Variants in SKI observed in about 807,000 individuals in gnomAD.
The protein encoded by SKI is ski oncogene.
SKI carries 23 observed loss-of-function variants against 59.3 expected under a neutral mutation model. That is an observed-to-expected ratio of 0.39 (90% CI 0.28 to 0.55). The LOEUF is 0.55. Ranked by LOEUF, SKI falls within the 20% of genes least tolerant of loss-of-function variation. SKI has a pLI of 0.67. For synonymous variants in SKI, 673 were observed against 488.6 expected (o/e 1.38, Z -4.98); for missense variants, 1,017 against 1,038.9 (o/e 0.98, Z 0.29).
intron 1 of SKI, among the ~76,000 whole-genome samples, chr1:2,289,723 C>T (rs1239372812): frequency 6.6e-6 from 1 of 152,122 alleles, no homozygotes; most frequent in Non-Finnish European, 1.5e-5. Context: ...TTTGAGATGA[C>T]CACAGCTCTC....
Position 2,302,998 on chromosome 1 carries a change from C to T in SKI, c.990C>T (p.Ala330=), listed in dbSNP as rs745629316. 2.5e-6 allele frequency: 4 copies of T among 1,613,544 alleles called. No individual in the cohort carries two copies. In the African/African-American group the frequency reaches 4.0e-5, roughly 16 times the overall value. The change falls in exon 2 of 7, where the codon GCC becomes GCT. Residue 330 remains alanine, a synonymous_variant. Coordinates refer to ENST00000378536, the MANE Select transcript of SKI (RefSeq NM_003036.4). The stretch of plus-strand genomic sequence containing the variant: ...CGCAGGTCTCCTCTGAGCCTCCGGC[C>T]TCCATAAGACCCAAAACAGATGACA... ...RVPRVSSEPP[A]SIRPKTDDTS...
chr1:2,296,078 C>T (rs1057406929), intron 1 of SKI, among the ~76,000 whole-genome samples: 3 of 152,130 alleles, frequency 2.0e-5, no homozygotes, highest in African/African-American at 7.2e-5. Context: ...TCATCACCAA[C>T]ACTTGTCCAA....
intron 1 of SKI, among the ~76,000 whole-genome samples, chr1:2,235,045 ATTTTTTT>A (rs34974355): frequency 2.2e-5 from 3 of 135,398 alleles, no homozygotes; most frequent in Non-Finnish European, 3.2e-5. Context: ...TTTTGTTGTT[ATTTTTTT>A]TTTTTTTTGA....
At chr1:2,284,940 CTGA>C (rs1640004784) in intron 1 of SKI, among the ~76,000 whole-genome samples, 1 of 152,338 alleles carries the variant, frequency 6.6e-6, no homozygotes, top group South Asian at 2.1e-4. Context: ...GCGGGCCTTT[CTGA>C]TGATCAGAAT....
At chr1:2,284,592 A>G (rs1250783426) in intron 1 of SKI, among the ~76,000 whole-genome samples, 2 of 152,138 alleles carry the variant, frequency 1.3e-5, no homozygotes, top group East Asian at 3.9e-4. Context: ...GGGGTGGTAG[A>G]ATTCAAGCTC....
chr1:2,288,202 G>A (rs1421904707), intron 1 of SKI, among the ~76,000 whole-genome samples: 6 of 152,074 alleles, frequency 3.9e-5, no homozygotes, highest in African/African-American at 1.4e-4. Flanking sequence ...GGCCAGGCTG[G>A]TCTCGAACTT....
intron 1 of SKI, among the ~76,000 whole-genome samples, chr1:2,274,134 C>T (rs1018304211): frequency 2.0e-5 from 3 of 151,870 alleles, no homozygotes; most frequent in African/African-American, 4.8e-5. Context: ...AGGAAGGTAG[C>T]GCTTTGTCAA....
chr1:2,261,898 G>A (rs928299326), intron 1 of SKI, among the ~76,000 whole-genome samples: 3 of 143,700 alleles, frequency 2.1e-5, no homozygotes, highest in African/African-American at 5.3e-5. Flanking sequence ...GGTCTGGAAG[G>A]CGTGGAATCA....
Position 2,304,302 on chromosome 1 carries a change from C to G in SKI, c.1484C>G (p.Ser495Cys), listed in dbSNP as rs1640509873. 6.4e-7 allele frequency: 1 copy of G among 1,551,602 alleles called. No homozygotes were observed. Among genetic ancestry groups the G allele is most frequent in the South Asian group, 1.2e-5 (1 of 84,076 alleles). Residue 495 changes from serine to cysteine, a missense_variant, in exon 5 of 7, where the codon TCC (serine) becomes TGC (cysteine). By Grantham distance (112) the Ser-to-Cys change is moderately radical (BLOSUM62 -1). Coordinates refer to ENST00000378536, the MANE Select transcript of SKI (RefSeq NM_003036.4). The part of the protein sequence containing the change: ...EVESREEFTS[S>C]LSSLSSPSFT... The stretch of plus-strand genomic sequence containing the variant: ...TCTGCTTCCTCCTCAGTCACCTCCT[C>G]CTTGTCCTCGCTCTCTTCCCCGTCC...
At chr1:2,271,942 T>C (rs2100855575) in intron 1 of SKI, among the ~76,000 whole-genome samples, 1 of 152,292 alleles carries the variant, frequency 6.6e-6, no homozygotes, top group East Asian at 1.9e-4. Flanking sequence ...CTGGCGGGAC[T>C]GGGAGAGACA....
chr1:2,290,936 C>T (rs980783579), intron 1 of SKI, among the ~76,000 whole-genome samples: 2 of 152,252 alleles, frequency 1.3e-5, no homozygotes, highest in African/African-American at 4.8e-5. Context: ...AGCGTTTCCT[C>T]TCATTCTGGA....
At chr1:2,265,331 T>C (rs547289389) in intron 1 of SKI, among the ~76,000 whole-genome samples, 11 of 152,352 alleles carry the variant, frequency 7.2e-5, no homozygotes, top group South Asian at 2.1e-4. Context: ...TTCTTTTTTT[T>C]CCTCTATTTC....
intron 1 of SKI, among the ~76,000 whole-genome samples, chr1:2,248,681 A>G (rs1639050984): frequency 6.6e-6 from 1 of 152,206 alleles, no homozygotes; most frequent in Non-Finnish European, 1.5e-5. Context: ...GCCCACAGTG[A>G]AGTGAAAGTC....
In SKI at chr1:2,303,140, G is replaced by T; in HGVS notation, c.1095+37G>T. ...CCTGTCGGGGTCCTTGGGGTGGTGG[G>T]TACTGGGCCCTTCTCCTTGGGCAGA... On this transcript the variant is annotated intron_variant, in intron 2 of 6. Coordinates refer to ENST00000378536, the MANE Select transcript of SKI (RefSeq NM_003036.4). The surrounding 1 kb of genome is among the most constrained non-coding windows in gnomAD (Gnocchi z 5.6). The T allele has an allele frequency of 1.2e-6, 2 of 1,612,276 alleles. No individual in the cohort carries two copies. The highest frequency in any genetic ancestry group is 1.7e-6 in the Non-Finnish European group (2 of 1,179,664).
intron 1 of SKI, among the ~76,000 whole-genome samples, chr1:2,262,860 T>A (rs1639417828): frequency 6.6e-6 from 1 of 152,174 alleles, no homozygotes; most frequent in South Asian, 2.1e-4. Flanking sequence ...CCCCCTTCAG[T>A]CGTGATGTAT....
chr1:2,276,331 C>T (rs895246304), intron 1 of SKI, among the ~76,000 whole-genome samples: 2 of 152,122 alleles, frequency 1.3e-5, no homozygotes, highest in Non-Finnish European at 2.9e-5. Flanking sequence ...CACTCAGAGG[C>T]CGTTTACTTG....
At chr1:2,292,267 TGGGCTTTTGGGGTTC>T (rs1640178070) in intron 1 of SKI, among the ~76,000 whole-genome samples, 3 of 152,304 alleles carry the variant, frequency 2.0e-5, no homozygotes, top group African/African-American at 7.2e-5. Context: ...CAGCCCACCT[TGGGCTTTTGGGGTTC>T]GGGCTTTTGG....
chr1:2,297,276 G>T (rs1640307857), intron 1 of SKI, among the ~76,000 whole-genome samples: 1 of 152,172 alleles, frequency 6.6e-6, no homozygotes, highest in East Asian at 1.9e-4. Context: ...CGGGCCCACG[G>T]CTGAAGTTTG....
At chr1:2,304,952 C>T (rs942709759) in intron 5 of SKI, among the ~76,000 whole-genome samples, 22 of 152,224 alleles carry the variant, frequency 1.4e-4, no homozygotes, top group African/African-American at 5.1e-4. Context: ...GAGTTGGGAG[C>T]AGCTGCATGG....
Sources: allele counts gnomAD v4.1 joint callset (sites outside exome capture counted in the v4.1 genomes callset), GRCh38; gene constraint gnomAD v4.1.1; non-coding constraint Gnocchi (gnomAD v3.1); transcripts MANE v1.5; gene names NCBI Gene and HGNC (gene_info 2026-07-23, HGNC 2026-07-21).